ARHGEF10L: variants seen among roughly 807,000 people sequenced by gnomAD.
ARHGEF10L encodes rho guanine nucleotide exchange factor 10-like protein.
ARHGEF10L carries 69 observed loss-of-function variants against 141.2 expected under a neutral mutation model. That is an observed-to-expected ratio of 0.49 (90% CI 0.40 to 0.60). ARHGEF10L has a LOEUF of 0.60. ARHGEF10L is among the 20% of genes least tolerant of loss of function. The pLI is 0.00. For synonymous variants in ARHGEF10L, 711 were observed against 718.5 expected, an observed-to-expected ratio of 0.99 and a Z score of 0.17; for missense variants, 1,482 against 1,734.3, an observed-to-expected ratio of 0.85 and a Z score of 2.58.
At chr1:17,664,712 G>C (rs934990686) in intron 26 of ARHGEF10L, 117 bp downstream of exon 26, 2 of 1,309,676 alleles carry the variant, frequency 1.5e-6, no homozygotes, top group African/African-American at 1.5e-5. Flanking sequence ...GGATCGATTG[G>C]GCAGAGTTTG....
In ARHGEF10L at chr1:17,619,257, AG is replaced by A. The variant is rs1443909968; in HGVS notation, c.836-76del. 1 of 1,387,572 alleles carries A rather than the reference AG, an allele frequency of 7.2e-7. No individual in the cohort carries two copies. The highest frequency in any genetic ancestry group is 1.0e-6 in the Non-Finnish European group (1 of 994,292). 86.0% of individuals were successfully genotyped at this position (1,387,572 alleles called of 1,614,324 possible). ...TAGGACCTGGGTCCAAGGCTGGTCT[AG>A]GGGGGCTCTCAGCTCCTGAGGCCTG... On this transcript the variant is annotated intron_variant, in intron 9 of 28. Transcript: ENST00000361221. This position sits in a 1 kb window ranked among gnomAD's most constrained non-coding sequence, Gnocchi z 5.0.
chr1:17,667,171 G>C lies in ARHGEF10L; in HGVS notation c.3009+2576G>C, dbSNP rs575894740. Among the ~76,000 whole-genome samples, 3 of 152,346 alleles carry C rather than the reference G, an allele frequency of 2.0e-5. No individual in the cohort carries two copies. In the South Asian group the frequency reaches 6.2e-4, roughly 32 times the overall value. On this transcript the variant is annotated intron_variant, in intron 26 of 28. Transcript: ENST00000361221. Reference sequence around the variant, plus strand: ...GCTCGGCCTGTAGGCCTAGTGTGCTGGGCGCCCATTCAGGGCAGTGGTGTG... The same window carrying C: ...GCTCGGCCTGTAGGCCTAGTGTGCTCGGCGCCCATTCAGGGCAGTGGTGTG...
chr1:17,680,077 C>G (rs1571507256), intron 26 of ARHGEF10L, among the ~76,000 whole-genome samples: 1 of 152,104 alleles, frequency 6.6e-6, no homozygotes, highest in African/African-American at 2.4e-5. Context: ...TTGCCCCACC[C>G]TGCCCCTGCC....
chr1:17,673,359 A>C lies in ARHGEF10L; in HGVS notation c.3009+8764A>C, dbSNP rs375761756. Among the ~76,000 whole-genome samples the C allele has an allele frequency of 6.6e-6, 1 of 152,098 alleles. No homozygotes were observed. Among genetic ancestry groups the C allele is most frequent in the South Asian group, 2.1e-4 (1 of 4,824 alleles). On this transcript the variant is annotated intron_variant, in intron 26 of 28. Transcript: ENST00000361221. The surrounding 1 kb of genome is among the most constrained non-coding windows in gnomAD (Gnocchi z 4.1). ...GGCAGCAGGGAGAGGGGGAGGGCAGATGCCCAAGGGGCAGCTGCCCAGTCC... is the reference window on the plus strand; with the variant it reads ...GGCAGCAGGGAGAGGGGGAGGGCAGCTGCCCAAGGGGCAGCTGCCCAGTCC...
the ARHGEF10L span, among the ~76,000 whole-genome samples, chr1:17,516,043 G>A: frequency 6.6e-6 from 1 of 152,190 alleles, no homozygotes; most frequent in Non-Finnish European, 1.5e-5. Context: ...GCTTGGTGAG[G>A]GGCTCCTTGG....
rs926824507 is a variant in ARHGEF10L at position 17,619,782 on chromosome 1, C to G, written c.942+337C>G. ...TTTGAAGAATGAGATGGGATCCAGA[C>G]TCAGGTGAGGCTGCAGGTGTGTAGG... On this transcript the variant is annotated intron_variant, in intron 10 of 28. Coordinates refer to ENST00000361221, the MANE Select transcript of ARHGEF10L (RefSeq NM_018125.4). This position sits in a 1 kb window ranked among gnomAD's most constrained non-coding sequence, Gnocchi z 5.0. Among the ~76,000 whole-genome samples, 1 of 152,276 alleles carries G rather than the reference C, an allele frequency of 6.6e-6. No homozygotes were observed. Among genetic ancestry groups the G allele is most frequent in the Middle Eastern group, 3.4e-3 (1 of 294 alleles).
In ARHGEF10L at chr1:17,605,959, G is replaced by A. The variant is rs146321161; in HGVS notation, c.434-1843G>A. Among the ~76,000 whole-genome samples, 11 of 152,228 alleles carry A rather than the reference G, an allele frequency of 7.2e-5. No individual in the cohort carries two copies. In the East Asian group the frequency reaches 1.7e-3, roughly 24 times the overall value. ...ATGTTCCCTCCTGGTTCTGGGACCC[G>A]TCTCCCACTAAGCTTTGGCACATCT... On this transcript the variant is annotated intron_variant, in intron 6 of 28. Transcript: ENST00000361221.
chr1:17,629,334 T>C (rs2060554187), intron 15 of ARHGEF10L, among the ~76,000 whole-genome samples: 1 of 152,094 alleles, frequency 6.6e-6, no homozygotes, highest in African/African-American at 2.4e-5. Flanking sequence ...GCCCACACAG[T>C]AGTTTTAAGA....
chr1:17,660,395 G>A (rs11578331), intron 25 of ARHGEF10L, among the ~76,000 whole-genome samples: 1,803 of 152,292 alleles, frequency 0.012, 50 homozygotes, highest in African/African-American at 0.041. Context: ...CCGTGAAATG[G>A]GGGTGTGGAC....
At chr1:17,635,066 G>C in intron 18 of ARHGEF10L, 50 bp downstream of exon 18, 1 of 1,605,410 alleles carries the variant, frequency 6.2e-7, no homozygotes, top group Non-Finnish European at 8.5e-7. Context: ...GCCCTCACCA[G>C]CCACAGCCTG....
intron 22 of ARHGEF10L, among the ~76,000 whole-genome samples, chr1:17,653,264 C>G (rs2062035872): frequency 6.6e-6 from 1 of 152,214 alleles, no homozygotes; most frequent in Non-Finnish European, 1.5e-5. Flanking sequence ...AAAGCTGCTT[C>G]CCTTCACAGC....
chr1:17,574,462 G>A (rs566692002), intron 1 of ARHGEF10L, among the ~76,000 whole-genome samples: 157 of 152,320 alleles, frequency 1.0e-3, no homozygotes, highest in Middle Eastern at 3.4e-3. Flanking sequence ...GGCAGGAACC[G>A]TGGGAAGGAA....
At chr1:17,606,415 T>A (rs1455862589) in intron 6 of ARHGEF10L, among the ~76,000 whole-genome samples, 1 of 151,940 alleles carries the variant, frequency 6.6e-6, no homozygotes, top group African/African-American at 2.4e-5. Flanking sequence ...TGCCTCAGCC[T>A]CCTGAGTAGC....
intron 21 of ARHGEF10L, among the ~76,000 whole-genome samples, chr1:17,645,166 C>T (rs1038011591): frequency 6.6e-6 from 1 of 152,100 alleles, no homozygotes; most frequent in African/African-American, 2.4e-5. Context: ...CTGGAAATTG[C>T]GGTTCTGCAG....
intron 2 of ARHGEF10L, among the ~76,000 whole-genome samples, chr1:17,584,700 G>T (rs1465333808): frequency 1.3e-5 from 2 of 152,208 alleles, no homozygotes; most frequent in Non-Finnish European, 2.9e-5. Flanking sequence ...GAAGATACTC[G>T]AAGGAAGAAC....
At chr1:17,519,786 T>G in the ARHGEF10L span, among the ~76,000 whole-genome samples, 2 of 150,676 alleles carry the variant, frequency 1.3e-5, no homozygotes, top group African/African-American at 2.4e-5. Context: ...AGCGATGCAG[T>G]GAGTCAAGAT....
chr1:17,542,421 C>G (rs1208537066), intron 1 of ARHGEF10L, among the ~76,000 whole-genome samples: 1 of 152,266 alleles, frequency 6.6e-6, no homozygotes, highest in East Asian at 1.9e-4. Flanking sequence ...CGTACTACAG[C>G]TTAAGTGACA....
At chr1:17,533,853 T>C in the ARHGEF10L span, among the ~76,000 whole-genome samples, 2 of 152,174 alleles carry the variant, frequency 1.3e-5, no homozygotes, top group African/African-American at 2.4e-5. Context: ...GATGATGTAG[T>C]ACATAACAAA....
At chr1:17,526,147 C>T in the ARHGEF10L span, among the ~76,000 whole-genome samples, 10 of 152,118 alleles carry the variant, frequency 6.6e-5, no homozygotes, top group African/African-American at 2.4e-4. Flanking sequence ...ATGGATGGCT[C>T]CCCAGTGCCC....
Sources: gnomAD v4.1 joint callset for allele counts (sites outside exome capture counted in the v4.1 genomes callset) on GRCh38, gnomAD v4.1.1 for gene constraint, Gnocchi (gnomAD v3.1) non-coding constraint, MANE v1.5 for transcripts, NCBI Gene and HGNC (gene_info 2026-07-23, HGNC 2026-07-21) for gene names.